LTBP1: variants seen among roughly 807,000 people sequenced by gnomAD.
The protein encoded by LTBP1 is latent-transforming growth factor beta-binding protein 1.
Under a neutral mutation model 207.6 loss-of-function variants are expected in LTBP1, and 129 were observed. The observed-to-expected ratio is 0.62, with a 90% confidence interval of 0.54 to 0.72. LTBP1 has a LOEUF of 0.72. Among genes scored for constraint, LTBP1 ranks in the 30% least tolerant of loss-of-function variants. The pLI, the probability that LTBP1 is intolerant of heterozygous loss-of-function variation, is 0.00. For missense variants in LTBP1, 2,281 were observed against 2,217.2 expected, an observed-to-expected ratio of 1.03 and a Z score of -0.58; for synonymous variants, 963 against 833.7, an observed-to-expected ratio of 1.16 and a Z score of -2.67.
intron 7 of LTBP1, among the ~76,000 whole-genome samples, chr2:33,211,241 A>G (rs570774228): frequency 6.6e-6 from 1 of 152,166 alleles, no homozygotes; most frequent in African/African-American, 2.4e-5. Flanking sequence ...GACTTTTAAT[A>G]AATGTGTCCT....
intron 31 of LTBP1, among the ~76,000 whole-genome samples, chr2:33,370,577 A>T (rs1214312601): frequency 1.3e-5 from 2 of 152,230 alleles, no homozygotes; most frequent in Non-Finnish European, 2.9e-5. Flanking sequence ...ACCTACGTTA[A>T]TGCTGGTAGT....
chr2:32,968,727 C>CTT lies in LTBP1; in HGVS notation c.565+19795_565+19796dup, dbSNP rs1431607859. On this transcript the variant is annotated intron_variant, in intron 2 of 33. Transcript: ENST00000404816. ...TTTGTCTTCTACTCTTTTTTCCTGC[C>CTT]TTTTTTTTTTTTTTAAGACAGGGTC... Among the ~76,000 whole-genome samples, 213 of 136,822 alleles carry CTT rather than the reference C, an allele frequency of 1.6e-3. 2 individuals are homozygous for CTT. The highest frequency in any genetic ancestry group is 5.4e-3 in the African/African-American group (201 of 37,330). The allele number at this position is 136,822 out of a possible 152,430, so 89.8% of individuals were successfully genotyped here. A position where few individuals can be genotyped will look rare whatever the true frequency, so the allele number is the denominator to read the frequency against.
chr2:33,057,013 C>T (rs185583231), intron 3 of LTBP1, among the ~76,000 whole-genome samples: 4 of 152,162 alleles, frequency 2.6e-5, no homozygotes, highest in African/African-American at 9.6e-5. Context: ...AAGTTCTCCA[C>T]GTCCCCACTA....
Position 33,378,523 on chromosome 2 carries a change from C to T in LTBP1, c.4712-10661C>T, listed in dbSNP as rs868693996. ...CTAGGATTACAGGCGTGAGTCACCACGCCCAGCATACTTTCACATCTTTTA... is the reference window on the plus strand; with the variant it reads ...CTAGGATTACAGGCGTGAGTCACCATGCCCAGCATACTTTCACATCTTTTA... On this transcript the variant is annotated intron_variant, in intron 31 of 33. Transcript: ENST00000404816. 1.6e-4 allele frequency among the ~76,000 whole-genome samples: 25 copies of T among 152,118 alleles called. 1 individual carries two copies. Among genetic ancestry groups the T allele is most frequent in the Non-Finnish European group, 8.8e-5 (6 of 68,028 alleles).
intron 24 of LTBP1, among the ~76,000 whole-genome samples, chr2:33,320,011 A>C (rs1304077143): frequency 6.6e-6 from 1 of 152,224 alleles, no homozygotes; most frequent in Admixed American, 6.5e-5. Flanking sequence ...CTTGTCAGTG[A>C]AGAACAGCAA....
intron 2 of LTBP1, among the ~76,000 whole-genome samples, chr2:32,953,267 C>T (rs978481550): frequency 1.3e-5 from 2 of 152,188 alleles, no homozygotes; most frequent in Admixed American, 1.3e-4. Flanking sequence ...TTCAGGTGAC[C>T]TAGAGAACGG....
intron 4 of LTBP1, among the ~76,000 whole-genome samples, chr2:33,128,599 C>T (rs2081583583): frequency 6.6e-6 from 1 of 152,208 alleles, no homozygotes; most frequent in Non-Finnish European, 1.5e-5. Context: ...TTTTAAATGG[C>T]TTTCCCCCTT....
chr2:33,306,774 A>G (rs1319642988), intron 22 of LTBP1, among the ~76,000 whole-genome samples: 5 of 152,044 alleles, frequency 3.3e-5, no homozygotes, highest in Admixed American at 2.6e-4. Context: ...CCTACAAAGC[A>G]AAGAAAGAAA....
At chr2:33,390,285 T>C (rs6711211) in intron 32 of LTBP1, among the ~76,000 whole-genome samples, 59,876 of 151,968 alleles carry the variant, frequency 0.39, 14,289 homozygotes, top group African/African-American at 0.68. Flanking sequence ...AACGTAAATG[T>C]TGTGTGAGGA....
In LTBP1 at chr2:33,398,845, TG is replaced by T. The variant is rs1364841221; in HGVS notation, c.*301del. Reference sequence around the variant, plus strand: ...AGAAGGTTGTATTATTATGTTGTTTTGTTTTTTTACTATTGCTTGATTAAAT... The same window carrying T: ...AGAAGGTTGTATTATTATGTTGTTTTTTTTTTTACTATTGCTTGATTAAAT... On this transcript the variant is annotated 3_prime_UTR_variant, in exon 34 of 34. Transcript: ENST00000404816. 4.0e-5 allele frequency: 8 copies of T among 201,454 alleles called. No homozygotes were observed. In the Admixed American group the frequency reaches 4.8e-4, roughly 12 times the overall value. The allele number at this position is 201,454 out of a possible 1,614,324, so 12.5% of individuals were successfully genotyped here.
At chr2:33,037,550 C>T (rs1270555293) in intron 3 of LTBP1, among the ~76,000 whole-genome samples, 1 of 152,030 alleles carries the variant, frequency 6.6e-6, no homozygotes, top group Non-Finnish European at 1.5e-5. Flanking sequence ...ATTAAATATA[C>T]ATTGTGTATC....
At chr2:33,230,100 G>T (rs2091702413) in intron 9 of LTBP1, among the ~76,000 whole-genome samples, 1 of 152,092 alleles carries the variant, frequency 6.6e-6, no homozygotes, top group Non-Finnish European at 1.5e-5. Context: ...GAAGCTTTTT[G>T]ATTTTGTTTT....
chr2:33,304,353 A>G lies in LTBP1; in HGVS notation c.3481+2709A>G, dbSNP rs115639772. Among the ~76,000 whole-genome samples the G allele has an allele frequency of 5.3e-3, 803 of 152,282 alleles. 9 individuals carry two copies. Among genetic ancestry groups the G allele is most frequent in the African/African-American group, 0.019 (770 of 41,552 alleles). The stretch of plus-strand genomic sequence containing the variant: ...GTGATATTTAGCCATAATTAACTAA[A>G]CCGTGACTGTTCACACGCCTCTGAC... On this transcript the variant is annotated intron_variant, in intron 22 of 33. Transcript: ENST00000404816.
intron 2 of LTBP1, among the ~76,000 whole-genome samples, chr2:32,967,357 A>G (rs1680164081): frequency 6.6e-6 from 1 of 151,928 alleles, no homozygotes; most frequent in South Asian, 2.1e-4. Context: ...TCCACTGCTT[A>G]CTTTGGATTT....
chr2:33,075,122 CAGAT>C (rs1249160357), intron 3 of LTBP1, among the ~76,000 whole-genome samples: 3 of 152,016 alleles, frequency 2.0e-5, no homozygotes, highest in Non-Finnish European at 4.4e-5. Context: ...TTTCAGATAA[CAGAT>C]AGATGGGGCT....
intron 3 of LTBP1, among the ~76,000 whole-genome samples, chr2:33,099,177 A>G (rs1459758496): frequency 6.6e-6 from 1 of 152,248 alleles, no homozygotes; most frequent in Non-Finnish European, 1.5e-5. Context: ...AGCTGGATCA[A>G]GCCCTAAAAG....
intron 5 of LTBP1, among the ~76,000 whole-genome samples, chr2:33,149,207 T>C (rs1572861726): frequency 1.7e-5 from 2 of 116,074 alleles, no homozygotes; most frequent in African/African-American, 3.4e-5. Context: ...AGAGCGAGAC[T>C]CCGTCTCACT....
chr2:33,372,773 A>G (rs2095085450), intron 31 of LTBP1, among the ~76,000 whole-genome samples: 1 of 152,190 alleles, frequency 6.6e-6, no homozygotes, highest in South Asian at 2.1e-4. Flanking sequence ...CTGAGGCACA[A>G]GAATTGCTTG....
At chr2:33,235,873 G>A (rs1213563924) in intron 9 of LTBP1, among the ~76,000 whole-genome samples, 3 of 152,112 alleles carry the variant, frequency 2.0e-5, no homozygotes, top group South Asian at 2.1e-4. Flanking sequence ...TGGACACAGG[G>A]AGGGGAACAT....
Sources: gnomAD v4.1 joint callset for allele counts (sites outside exome capture counted in the v4.1 genomes callset) on GRCh38, gnomAD v4.1.1 for gene constraint, MANE v1.5 for transcripts, NCBI Gene and HGNC (gene_info 2026-07-23, HGNC 2026-07-21) for gene names.